IFT140: variants seen among roughly 807,000 people sequenced by gnomAD.
IFT140 encodes intraflagellar transport protein 140 homolog.
A neutral mutation model predicts 164.6 loss-of-function variants in IFT140; 133 were observed. The ratio of observed to expected loss-of-function variants is 0.81; its 90% CI spans 0.70 to 0.93. IFT140 has a LOEUF of 0.93. Among genes scored for constraint, IFT140 ranks in the 40% least tolerant of loss-of-function variants. The probability of loss-of-function intolerance (pLI) is 0.00; values close to 1 mark genes in which losing one functional copy is unlikely to be tolerated. For synonymous variants in IFT140, 860 were observed against 817.3 expected, an observed-to-expected ratio of 1.05 and a Z score of -0.89; for missense variants, 2,045 against 1,972.3, an observed-to-expected ratio of 1.04 and a Z score of -0.70.
At chr16:1,542,152 C>A in intron 19 of IFT140, 1 of 1,430,552 alleles carries the variant, frequency 7.0e-7, no homozygotes, top group East Asian at 2.6e-5. Flanking sequence ...GGTCCTGAGG[C>A]CTTGGGTGGC....
rs548226291 is a variant in IFT140, at chr16:1,520,881, G to A, written c.3454-73C>T. 1.7e-3 allele frequency: 2,424 copies of A among 1,402,654 alleles called. 4 individuals are homozygous for A. The highest frequency in any genetic ancestry group is 2.2e-3 in the Non-Finnish European group (2,215 of 1,025,296). 86.9% of individuals were successfully genotyped at this position (1,402,654 alleles called of 1,614,324 possible). A position where few individuals can be genotyped will look rare whatever the true frequency, so the allele number is the denominator to read the frequency against. On this transcript the variant is annotated intron_variant, in intron 26 of 30. Transcript: ENST00000426508. Reference sequence around the variant, plus strand: ...TGAAGTGCGCCCCTCATCTGCCACCGCTTCAGAGGAAACCAGGCCCCTCGG... The same window carrying A: ...TGAAGTGCGCCCCTCATCTGCCACCACTTCAGAGGAAACCAGGCCCCTCGG...
chr16:1,514,180 A>G (rs1596288249), intron 30 of IFT140: 1 of 151,466 alleles, frequency 6.6e-6, no homozygotes, highest in East Asian at 2.0e-4. Flanking sequence ...CATCCTGGCT[A>G]ACACGGTGAA....
rs888109018 is a variant in IFT140, at chr16:1,523,945, C to T, written c.3153G>A (p.Leu1051=). ...NAIRLCKENG[L]DDQLMNLALL... is the part of the protein sequence containing the mutation. The stretch of plus-strand genomic sequence containing the variant: ...GGGCCAAGTTCATGAGCTGGTCGTC[C>T]AGGCCGTTCTCCTGCAGGGAGGGAG... Residue 1051 remains leucine, a synonymous_variant, in exon 25 of 31, where the codon CTG becomes CTA. Coordinates refer to ENST00000426508, the MANE Select transcript of IFT140 (RefSeq NM_014714.4). 3.1e-6 allele frequency: 5 copies of T among 1,612,236 alleles called. No individual in the cohort carries two copies. The highest frequency in any genetic ancestry group is 3.4e-6 in the Non-Finnish European group (4 of 1,179,944).
Position 1,560,634 on chromosome 16 carries a change from A to G in IFT140, c.2199+1351T>C, listed in dbSNP as rs1169840222. ...TCTGTGTTGGCTTCTGTGGCCATGC[A>G]GGGCTGCCTGTCCTTCCCCTTCTCG... On this transcript the variant is annotated intron_variant, in intron 18 of 30. Coordinates refer to ENST00000426508, the MANE Select transcript of IFT140 (RefSeq NM_014714.4). Among the ~76,000 whole-genome samples, 3 of 152,156 alleles carry G rather than the reference A, an allele frequency of 2.0e-5. No homozygotes were observed. In the East Asian group the frequency reaches 5.8e-4, roughly 29 times the overall value.
intron 19 of IFT140, chr16:1,554,799 G>C (rs2032954963): frequency 6.2e-7 from 1 of 1,614,150 alleles, no homozygotes; most frequent in Non-Finnish European, 8.5e-7. Context: ...CCTGGTCATC[G>C]GGCTCGTGAC....
chr16:1,560,320 C>T (rs1346537674), intron 18 of IFT140, among the ~76,000 whole-genome samples: 1 of 152,242 alleles, frequency 6.6e-6, no homozygotes. Flanking sequence ...CCTCTGCTGG[C>T]TGTGCAGCCT....
At chr16:1,605,876 G>A (rs974951991) in intron 3 of IFT140, among the ~76,000 whole-genome samples, 1 of 152,226 alleles carries the variant, frequency 6.6e-6, no homozygotes, top group African/African-American at 2.4e-5. Context: ...CAGGGTCTTT[G>A]CAGATGTGGG....
intron 14 of IFT140, 127 bp from the exon 15 acceptor site, chr16:1,568,461 C>T (rs1000474426): frequency 3.0e-5 from 22 of 733,954 alleles, no homozygotes; most frequent in Non-Finnish European, 4.5e-5. Context: ...CCCTGGGTGG[C>T]GCGTGTGCAC....
chr16:1,540,893 C>T (rs1196072936), intron 19 of IFT140: 1 of 985,300 alleles, frequency 1.0e-6, no homozygotes, highest in African/African-American at 1.7e-5. Flanking sequence ...ACATGCAGTC[C>T]CTGACTCCAG....
At chr16:1,524,516 G>A (rs764961859) in intron 24 of IFT140, 36 bp downstream of exon 24, 35 of 1,607,244 alleles carry the variant, frequency 2.2e-5, no homozygotes, top group Middle Eastern at 1.9e-4. Flanking sequence ...AGGGGACCTC[G>A]AGAAGCGCCG....
chr16:1,607,834 C>A (rs536550045), intron 2 of IFT140, among the ~76,000 whole-genome samples: 80 of 152,278 alleles, frequency 5.3e-4, no homozygotes, highest in African/African-American at 1.6e-3. Flanking sequence ...TGTGTAGACA[C>A]AAGGTTTTAC....
rs371092497 is a variant in IFT140, at chr16:1,549,670, G to A, written c.2399+8265C>T. Among the ~76,000 whole-genome samples, 15 of 152,172 alleles carry A rather than the reference G, an allele frequency of 9.9e-5. No homozygotes were observed. The East Asian group carries it at 2.1e-3, about 22-fold the overall frequency. Reference sequence around the variant, plus strand: ...TGGTCTCAAACTCCTGACCTCAGGTGATCCACCTGCCTCGGCCTCCCAAAG... The same window carrying A: ...TGGTCTCAAACTCCTGACCTCAGGTAATCCACCTGCCTCGGCCTCCCAAAG... On this transcript the variant is annotated intron_variant, in intron 19 of 30. Coordinates refer to ENST00000426508, the MANE Select transcript of IFT140 (RefSeq NM_014714.4).
chr16:1,586,558 G>A (rs922013761), intron 9 of IFT140, among the ~76,000 whole-genome samples: 9 of 152,334 alleles, frequency 5.9e-5, no homozygotes, highest in Admixed American at 1.3e-4. Context: ...CACTAGAGAC[G>A]CGGCTCTGGC....
At chr16:1,590,113 AT>A (rs2035097872) in intron 6 of IFT140, among the ~76,000 whole-genome samples, 1 of 150,876 alleles carries the variant, frequency 6.6e-6, no homozygotes, top group Non-Finnish European at 1.5e-5. Flanking sequence ...AGGCATGGGA[AT>A]CACTTGAACC....
At chr16:1,586,381 A>T in intron 9 of IFT140, 106 bp from the exon 10 acceptor site, 1 of 1,132,036 alleles carries the variant, frequency 8.8e-7, no homozygotes, top group Non-Finnish European at 1.2e-6. Flanking sequence ...GCCCTCGCCC[A>T]GTCTGGTGCC....
At chr16:1,511,920 G>A (rs1035058224) in intron 30 of IFT140, among the ~76,000 whole-genome samples, 13 of 151,812 alleles carry the variant, frequency 8.6e-5, no homozygotes, top group Non-Finnish European at 1.3e-4. Context: ...GCAGAATTCA[G>A]AGAAGGGCTG....
intron 19 of IFT140, among the ~76,000 whole-genome samples, chr16:1,535,303 G>A (rs946670759): frequency 4.6e-5 from 7 of 152,168 alleles, no homozygotes; most frequent in Non-Finnish European, 8.8e-5. Flanking sequence ...CCACCGCACC[G>A]TGGGGTTTGA....
At chr16:1,590,751 A>G (rs1241511780) in intron 6 of IFT140, among the ~76,000 whole-genome samples, 1 of 152,020 alleles carries the variant, frequency 6.6e-6, no homozygotes, top group Non-Finnish European at 1.5e-5. Context: ...ATGGATAATG[A>G]GTTCTTATTT....
In IFT140 at chr16:1,522,227, G is replaced by A. The variant is rs139227743; in HGVS notation, c.3453+1291C>T. On this transcript the variant is annotated intron_variant, in intron 26 of 30. Coordinates refer to ENST00000426508, the MANE Select transcript of IFT140 (RefSeq NM_014714.4). ...GAAAATTAACACAGGTGTGGTGGTG[G>A]GCGCCTGTAGTCCCAGCTACTCGGG... Among the ~76,000 whole-genome samples the A allele has an allele frequency of 1.4e-3, 218 of 152,148 alleles. 1 individual carries two copies. The highest frequency in any genetic ancestry group is 4.9e-3 in the African/African-American group (202 of 41,512).
Sources: gnomAD v4.1 joint callset for allele counts (sites outside exome capture counted in the v4.1 genomes callset) on GRCh38, gnomAD v4.1.1 for gene constraint, MANE v1.5 for transcripts, NCBI Gene and HGNC (gene_info 2026-07-23, HGNC 2026-07-21) for gene names.